Variants in SUMO2 observed in about 807,000 individuals in gnomAD.
The protein encoded by SUMO2 is small ubiquitin like modifier 2, also known as small ubiquitin-related modifier 2.
SUMO2 carries 1 observed loss-of-function variant against 16.0 expected under a neutral mutation model. That is an observed-to-expected ratio of 0.06 (90% CI 0.02 to 0.30). The LOEUF is 0.30. SUMO2 is among the 10% of genes least tolerant of loss of function. SUMO2 has a pLI of 1.00. For synonymous variants in SUMO2, 36 were observed against 40.6 expected, an observed-to-expected ratio of 0.89 and a Z score of 0.43; for missense variants, 16 against 117.5, an observed-to-expected ratio of 0.14 and a Z score of 3.99.
chr17:75,171,183 G>A (rs1222732470), intron 3 of SUMO2, among the ~76,000 whole-genome samples: 1 of 151,544 alleles, frequency 6.6e-6, no homozygotes, highest in Non-Finnish European at 1.5e-5. Context: ...AGGGTGGAGT[G>A]CAATGGCGCA....
chr17:75,182,899 G>C lies in SUMO2; in HGVS notation c.-65C>G. The C allele has an allele frequency of 1.6e-6, 2 of 1,280,388 alleles. No individual in the cohort carries two copies. The highest frequency in any genetic ancestry group is 2.0e-6 in the Non-Finnish European group (2 of 996,600). 79.3% of individuals were successfully genotyped at this position (1,280,388 alleles called of 1,614,324 possible). Reference sequence around the variant, plus strand: ...GAGGTACCAGGTCCGCACCAAACGAGCACACAAGCAGCACCAGGAGCGGCA... The same window carrying C: ...GAGGTACCAGGTCCGCACCAAACGACCACACAAGCAGCACCAGGAGCGGCA... On this transcript the variant is annotated 5_prime_UTR_variant, in exon 1 of 4. Coordinates refer to ENST00000420826, the MANE Select transcript of SUMO2 (RefSeq NM_006937.4).
chr17:75,179,116 T>C (rs910240327), intron 2 of SUMO2, among the ~76,000 whole-genome samples: 4 of 152,184 alleles, frequency 2.6e-5, no homozygotes, highest in African/African-American at 7.2e-5. Flanking sequence ...CCTTTTAAAA[T>C]TCCCCTGTAT....
At chr17:75,176,432 A>G (rs1368541180) in intron 2 of SUMO2, among the ~76,000 whole-genome samples, 1 of 151,912 alleles carries the variant, frequency 6.6e-6, no homozygotes, top group African/African-American at 2.4e-5. Flanking sequence ...CCTGGCCAAT[A>G]TGGTGAAACC....
intron 3 of SUMO2, among the ~76,000 whole-genome samples, chr17:75,172,102 G>A (rs2074744222): frequency 6.6e-6 from 1 of 150,774 alleles, no homozygotes; most frequent in African/African-American, 2.4e-5. Flanking sequence ...TCGACTGTCT[G>A]ACACCTTTCC....
intron 1 of SUMO2, among the ~76,000 whole-genome samples, chr17:75,182,169 G>C (rs1312981649): frequency 6.6e-6 from 1 of 151,990 alleles, no homozygotes; most frequent in Non-Finnish European, 1.5e-5. Flanking sequence ...GGGTTCGTTG[G>C]CACCCAGGGA....
intron 2 of SUMO2, among the ~76,000 whole-genome samples, chr17:75,179,798 A>C (rs1205202220): frequency 1.3e-5 from 2 of 151,764 alleles, no homozygotes; most frequent in African/African-American, 4.8e-5. Flanking sequence ...AGGTGGGATT[A>C]TGCGCGTGTA....
intron 1 of SUMO2, 87 bp downstream of exon 1, chr17:75,182,727 G>C: frequency 8.6e-7 from 1 of 1,164,836 alleles, no homozygotes; most frequent in Non-Finnish European, 1.1e-6. Flanking sequence ...GAAAGCGCTG[G>C]GAGCCAGCGG....
intron 2 of SUMO2, among the ~76,000 whole-genome samples, chr17:75,176,559 T>G (rs924871052): frequency 6.6e-6 from 1 of 151,356 alleles, no homozygotes; most frequent in African/African-American, 2.5e-5. Context: ...GAGTTTGCAG[T>G]GAGCCAAGAT....
chr17:75,174,655 G>T, intron 3 of SUMO2, 97 bp downstream of exon 3: 1 of 1,147,778 alleles, frequency 8.7e-7, no homozygotes, highest in Non-Finnish European at 1.3e-6. Context: ...AACTCTACAA[G>T]AACTTATACT....
chr17:75,169,848 CAA>C lies in SUMO2; in HGVS notation c.226-1449_226-1448del, dbSNP rs34254735. On this transcript the variant is annotated intron_variant, in intron 3 of 3. Coordinates refer to ENST00000420826, the MANE Select transcript of SUMO2 (RefSeq NM_006937.4). ...CCGGTGACAGAGTGAGACTTGGTCT[CAA>C]AAAAAAAAAAAAAGGTGGGGGGGGG... Among the ~76,000 whole-genome samples the C allele has an allele frequency of 3.1e-4, 22 of 70,594 alleles. No homozygotes were observed. In the East Asian group the frequency reaches 5.4e-3, roughly 17 times the overall value. The allele number at this position is 70,594 out of a possible 152,430, so 46.3% of individuals were successfully genotyped here.
At chr17:75,174,264 C>T (rs2074764656) in intron 3 of SUMO2, among the ~76,000 whole-genome samples, 1 of 152,110 alleles carries the variant, frequency 6.6e-6, no homozygotes, top group South Asian at 2.1e-4. Context: ...GTGGTGCATG[C>T]CTGTAATCCC....
intron 2 of SUMO2, among the ~76,000 whole-genome samples, chr17:75,175,555 G>T (rs2074775619): frequency 6.6e-6 from 1 of 151,514 alleles, no homozygotes; most frequent in African/African-American, 2.4e-5. Flanking sequence ...CCTGACCTCA[G>T]ATGATCTGAC....
chr17:75,178,574 T>C (rs1243536597), intron 2 of SUMO2, among the ~76,000 whole-genome samples: 4 of 152,002 alleles, frequency 2.6e-5, no homozygotes, highest in Non-Finnish European at 5.9e-5. Flanking sequence ...TGATTCTGTT[T>C]GTTTGTGGTT....
At position 75,168,380 on chromosome 17, in the gene SUMO2, T is replaced by C; in HGVS notation, c.247A>G (p.Thr83Ala). 6.2e-7 allele frequency: 1 copy of C among 1,607,942 alleles called. No homozygotes were observed. Among genetic ancestry groups the C allele is most frequent in the Non-Finnish European group, 8.5e-7 (1 of 1,177,348 alleles). The change falls in exon 4 of 4, where the codon ACA becomes GCA. Residue 83 changes from threonine to alanine, a missense_variant. Physicochemically the swap from Thr to Ala is moderately conservative, Grantham distance 58. Transcript: ENST00000420826. ...PAQLEMEDED[T>A]IDVFQQQTGG... is the part of the protein sequence containing the mutation. ...GTCTGCTGTTGGAACACATCAATTG[T>C]ATCTTCATCCTCCATTTCCAACTAG...
rs117792069 is a variant in SUMO2, at chr17:75,174,694, C to T, written c.225+58G>A. 7,948 of 1,502,318 alleles carry T rather than the reference C, an allele frequency of 5.3e-3. 28 individuals carry two copies. Among genetic ancestry groups the T allele is most frequent in the Non-Finnish European group, 6.2e-3 (6,781 of 1,092,092 alleles). The allele number at this position is 1,502,318 out of a possible 1,614,324, so 93.1% of individuals were successfully genotyped here. On this transcript the variant is annotated intron_variant, in intron 3 of 3. Transcript: ENST00000420826. ...GTGTCTAAACGTTCAAATTCATAAACACAGCTGTTCAAAGAATTACAAATG... is the reference window on the plus strand; with the variant it reads ...GTGTCTAAACGTTCAAATTCATAAATACAGCTGTTCAAAGAATTACAAATG...
chr17:75,172,237 G>A (rs979700510), intron 3 of SUMO2, among the ~76,000 whole-genome samples: 2 of 151,690 alleles, frequency 1.3e-5, no homozygotes, highest in African/African-American at 4.8e-5. Flanking sequence ...TGTTGGCCAG[G>A]CTGGTCTTGA....
chr17:75,176,903 G>A (rs566381863), intron 2 of SUMO2, among the ~76,000 whole-genome samples: 2 of 152,134 alleles, frequency 1.3e-5, no homozygotes, highest in East Asian at 3.9e-4. Context: ...AAAAACAAAG[G>A]CCAAGTATTG....
At chr17:75,172,802 G>C (rs1444048940) in intron 3 of SUMO2, among the ~76,000 whole-genome samples, 1 of 151,568 alleles carries the variant, frequency 6.6e-6, no homozygotes, top group Non-Finnish European at 1.5e-5. Flanking sequence ...GTATTTTTTG[G>C]CAGACACGGG....
At chr17:75,170,737 C>T (rs2074731129) in intron 3 of SUMO2, among the ~76,000 whole-genome samples, 2 of 151,368 alleles carry the variant, frequency 1.3e-5, no homozygotes, top group South Asian at 4.2e-4. Context: ...GTAATCCCAG[C>T]CACTCAGGAG....
Sources: gnomAD v4.1 joint callset for allele counts (sites outside exome capture counted in the v4.1 genomes callset) on GRCh38, gnomAD v4.1.1 for gene constraint, MANE v1.5 for transcripts, NCBI Gene and HGNC (gene_info 2026-07-23, HGNC 2026-07-21) for gene names.